Variants in ITFG2 observed in about 807,000 individuals in gnomAD.
ITFG2 encodes KICSTOR complex protein ITFG2.
Under a neutral mutation model 54.4 loss-of-function variants are expected in ITFG2, and 36 were observed. That is an observed-to-expected ratio of 0.66 (90% CI 0.51 to 0.87). ITFG2 has a LOEUF of 0.87. Ranked by LOEUF, ITFG2 falls within the 40% of genes least tolerant of loss-of-function variation. The pLI is 0.00. For synonymous variants in ITFG2, 211 were observed against 225.4 expected (o/e 0.94, Z 0.57); for missense variants, 524 against 576.7 (o/e 0.91, Z 0.94).
chr12:2,827,829 C>T, downstream of ITFG2: 2 of 1,604,442 alleles, frequency 1.2e-6, no homozygotes, highest in South Asian at 2.2e-5. This position sits in a 1 kb window ranked among gnomAD's most constrained non-coding sequence, Gnocchi z 4.0. Context: ...TCTCTGGGAA[C>T]TCCTCGTGCT....
At chr12:2,816,864 A>T (rs2153923742) in intron 1 of ITFG2, among the ~76,000 whole-genome samples, 1 of 133,126 alleles carries the variant, frequency 7.5e-6, no homozygotes. Context: ...CTGGTCTCGA[A>T]TTCCTGAGCT....
downstream of ITFG2, chr12:2,828,564 G>A (rs2097982326): frequency 1.5e-6 from 1 of 663,926 alleles, no homozygotes; most frequent in Non-Finnish European, 2.6e-6. Flanking sequence ...TCGGGGCCAG[G>A]CGCGGTAGCT....
intron 1 of ITFG2, among the ~76,000 whole-genome samples, chr12:2,837,699 T>C (rs1037973856): frequency 6.6e-6 from 1 of 151,720 alleles, no homozygotes; most frequent in African/African-American, 2.4e-5. Flanking sequence ...TGTGGTGGCA[T>C]GTACCTATAG....
intron 2 of ITFG2, among the ~76,000 whole-genome samples, chr12:2,852,585 C>A (rs1174817816): frequency 6.6e-6 from 1 of 152,096 alleles, no homozygotes; most frequent in African/African-American, 2.4e-5. Context: ...CCAGGCTGGT[C>A]TTGAACTGGC....
intron 1 of ITFG2, among the ~76,000 whole-genome samples, chr12:2,837,692 G>A (rs894662875): frequency 6.6e-6 from 1 of 152,050 alleles, no homozygotes; most frequent in African/African-American, 2.4e-5. Context: ...AGCCAGGTGT[G>A]GTGGCATGTA....
rs760028853 is a variant in ITFG2 at position 2,823,810 on chromosome 12, C to T, written c.1107C>T (p.Leu369=). ...ACKEGRNSPC[L]VYVTFNQKIY... The stretch of plus-strand genomic sequence containing the variant: ...AAGAGGGCCGCAACAGCCCCTGCCT[C>T]GTATATGTCACTTTCAACCAGAAGA... Residue 369 remains leucine, a synonymous_variant, in exon 11 of 12, where the codon CTC becomes CTT. Transcript: ENST00000228799. The T allele has an allele frequency of 8.1e-6, 13 of 1,599,716 alleles. No homozygotes were observed. The highest frequency in any genetic ancestry group is 1.7e-4 in the Middle Eastern group (1 of 5,990).
At chr12:2,846,594 C>A (rs1013254026) in intron 2 of ITFG2, among the ~76,000 whole-genome samples, 2 of 151,992 alleles carry the variant, frequency 1.3e-5, no homozygotes, top group Admixed American at 6.6e-5. Context: ...TTTCTAATGG[C>A]CTGCCCAGCT....
chr12:2,859,482 G>A lies in ITFG2; in HGVS notation n.621-52G>A, dbSNP rs141889160. 3.7e-6 allele frequency: 6 copies of A among 1,613,862 alleles called. No homozygotes were observed. The African/African-American group carries it at 4.0e-5, about 11-fold the overall frequency. On this transcript the variant is annotated intron_variant and non_coding_transcript_variant, in intron 3 of 3. Transcript: ENST00000537710. The stretch of plus-strand genomic sequence containing the variant: ...GGCCGGGGAGGGCCACTCTTCCAAG[G>A]GAGGGCTCTCCACTTTGATGGGTCT...
intron 2 of ITFG2, chr12:2,854,941 G>C (rs1412124467): frequency 2.0e-6 from 3 of 1,536,084 alleles, no homozygotes; most frequent in Non-Finnish European, 1.7e-6. Context: ...GGCATCGAGT[G>C]GGGGTGCTCT....
intron 2 of ITFG2, among the ~76,000 whole-genome samples, chr12:2,850,233 T>G (rs1381089280): frequency 6.6e-6 from 1 of 152,050 alleles, no homozygotes; most frequent in Non-Finnish European, 1.5e-5. Flanking sequence ...CCCAGCACTT[T>G]GGGAGGCCGA....
At chr12:2,836,124 G>A (rs2098027038), upstream of ITFG2, among the ~76,000 whole-genome samples, 1 of 152,200 alleles carries the variant, frequency 6.6e-6, no homozygotes. Context: ...TTTCTCTAGA[G>A]TATACACCTA....
At chr12:2,859,733 G>T (rs2098105987) in exon 4 of ITFG2, 12 of 1,123,682 alleles carry the variant, frequency 1.1e-5, no homozygotes, top group South Asian at 1.6e-5. Context: ...TCACATACGG[G>T]TTCTGATCCT....
At position 2,820,161 on chromosome 12, in the gene ITFG2, G is replaced by T; in HGVS notation, c.482G>T (p.Gly161Val). The change falls in exon 5 of 12, where the codon GGT (glycine) becomes GTT (valine). Residue 161 changes from glycine to valine, a missense_variant. Coordinates refer to ENST00000228799, the MANE Select transcript of ITFG2 (RefSeq NM_018463.4). ...CGAGCTTTCCGCTGGGAGGAGCTAG[G>T]TGAGGGTCCTGAACATCTGACAGGG... ...VVRAFRWEEL[G>V]EGPEHLTGQL... 6.2e-7 allele frequency: 1 copy of T among 1,614,040 alleles called. No homozygotes were observed. Among genetic ancestry groups the T allele is most frequent in the Non-Finnish European group, 8.5e-7 (1 of 1,179,966 alleles).
At chr12:2,815,329 T>G (rs547646563) in intron 1 of ITFG2, among the ~76,000 whole-genome samples, 1 of 152,170 alleles carries the variant, frequency 6.6e-6, no homozygotes, top group Non-Finnish European at 1.5e-5. Flanking sequence ...GAAGTGGGGT[T>G]TGAAGCCACT....
rs559815276 is a variant in ITFG2, at chr12:2,841,327, G to A, written n.300+332G>A. Among the ~76,000 whole-genome samples the A allele has an allele frequency of 1.2e-4, 19 of 152,312 alleles. No homozygotes were observed. In the South Asian group the frequency reaches 2.9e-3, roughly 23 times the overall value. On this transcript the variant is annotated intron_variant and non_coding_transcript_variant, in intron 2 of 3. Transcript: ENST00000537710. Reference sequence around the variant, plus strand: ...GAGATCACGGAGTACCACTGAGTGCGTTCTCAGACTCGCCAGAGGGCTCTG... The same window carrying A: ...GAGATCACGGAGTACCACTGAGTGCATTCTCAGACTCGCCAGAGGGCTCTG...
At chr12:2,834,903 T>C, upstream of ITFG2, 1 of 1,613,806 alleles carries the variant, frequency 6.2e-7, no homozygotes, top group South Asian at 1.1e-5. Flanking sequence ...TGCTTCTTCC[T>C]GCCTGTCTCT....
At position 2,821,324 on chromosome 12, in the gene ITFG2, A is replaced by G. The variant is rs1176744517; in HGVS notation, c.758A>G (p.Asn253Ser). The change falls in exon 7 of 12, where the codon AAT becomes AGT. Residue 253 changes from asparagine (N) to serine (S), a missense_variant. Asn to Ser is a conservative substitution (Grantham distance 46). Coordinates refer to ENST00000228799, the MANE Select transcript of ITFG2 (RefSeq NM_018463.4). ...ACATCTGGCCGTATCCACAACAAGA[A>G]TGTCTCCACTCACCTAATTGGCAAC... The part of the protein sequence containing the change: ...HQTSGRIHNK[N>S]VSTHLIGNIK... The G allele has an allele frequency of 1.9e-6, 3 of 1,609,790 alleles. No homozygotes were observed. The African/African-American group carries it at 4.0e-5, about 22-fold the overall frequency.
chr12:2,820,287 G>A (rs2097938948), intron 5 of ITFG2, 62 bp downstream of exon 5: 10 of 1,492,992 alleles, frequency 6.7e-6, no homozygotes, highest in Non-Finnish European at 8.0e-6. Context: ...TCCTGGAGGA[G>A]GTAGTGGGAG....
At chr12:2,842,120 C>CTTTTTTTTT (rs71057841) in intron 2 of ITFG2, among the ~76,000 whole-genome samples, 21 of 108,684 alleles carry the variant, frequency 1.9e-4, no homozygotes, top group Middle Eastern at 8.5e-3. Flanking sequence ...TCACTTGTTT[C>CTTTTTTTTT]TTTTTTTTTT....
Sources: allele counts gnomAD v4.1 joint callset (sites outside exome capture counted in the v4.1 genomes callset), GRCh38; gene constraint gnomAD v4.1.1; non-coding constraint Gnocchi (gnomAD v3.1); transcripts MANE v1.5; gene names NCBI Gene and HGNC (gene_info 2026-07-23, HGNC 2026-07-21).